Variants in FAT3 observed in about 807,000 individuals in gnomAD.
FAT3 encodes the protein FAT atypical cadherin 3, also known as protocadherin Fat 3.
FAT3 carries 95 observed loss-of-function variants against 310.2 expected under a neutral mutation model. The ratio of observed to expected loss-of-function variants is 0.31; its 90% CI spans 0.26 to 0.36. The LOEUF (loss-of-function observed/expected upper bound fraction) is 0.36, where lower values mean the gene tolerates loss of function less well. Among genes scored for constraint, FAT3 ranks in the 10% least tolerant of loss-of-function variants. The probability of loss-of-function intolerance (pLI) is 1.00; values close to 1 mark genes in which losing one functional copy is unlikely to be tolerated. For synonymous variants in FAT3, 2,314 were observed against 2,192.9 expected (o/e 1.06, Z -1.54); for missense variants, 5,408 against 5,715.6 (o/e 0.95, Z 1.74).
intron 2 of FAT3, among the ~76,000 whole-genome samples, chr11:92,457,309 G>T (rs1348252368): frequency 6.6e-6 from 1 of 152,116 alleles, no homozygotes; most frequent in Non-Finnish European, 1.5e-5. Context: ...AAATGAATAG[G>T]CAGAGATACA....
At chr11:92,562,265 A>G (rs1358140599) in intron 3 of FAT3, among the ~76,000 whole-genome samples, 1 of 152,200 alleles carries the variant, frequency 6.6e-6, no homozygotes, top group East Asian at 1.9e-4. Flanking sequence ...ATCATATACA[A>G]TACTTCCTAC....
chr11:92,781,457 A>G (rs973825041), intron 7 of FAT3, among the ~76,000 whole-genome samples: 3 of 152,168 alleles, frequency 2.0e-5, no homozygotes, highest in African/African-American at 7.2e-5. Context: ...AAATTGAGGC[A>G]CAGACTGCTT....
Position 92,800,992 on chromosome 11 carries a change from T to C in FAT3, c.7979T>C (p.Met2660Thr), listed in dbSNP as rs936260819. ...GAAATCGATCCTGACAATGGCTGGA[T>C]GGTCACAAAGGGTAATTTTAACCAG... is the stretch of plus-strand genomic sequence containing the variant. The part of the protein sequence containing the change: ...LLEIDPDNGW[M>T]VTKGNFNQLK... The change falls in exon 10 of 28, where the codon ATG becomes ACG. Residue 2660 changes from methionine to threonine, a missense_variant. By Grantham distance (81) the Met-to-Thr change is moderately conservative. This residue lies in a region of FAT3 where 4,588 missense variants were observed against 4,809.8 expected (regional missense o/e 0.95). Coordinates refer to ENST00000525166, the MANE Select transcript of FAT3 (RefSeq NM_001367949.2). 3.7e-6 allele frequency: 6 copies of C among 1,613,506 alleles called. No homozygotes were observed. Among genetic ancestry groups the C allele is most frequent in the Non-Finnish European group, 5.1e-6 (6 of 1,179,728 alleles).
At chr11:92,382,993 A>G (rs58793308) in intron 2 of FAT3, among the ~76,000 whole-genome samples, 11,737 of 152,162 alleles carry the variant, frequency 0.077, 655 homozygotes, top group African/African-American at 0.15. Flanking sequence ...CCCTACCCCC[A>G]GCCCCTGCCT....
intron 2 of FAT3, among the ~76,000 whole-genome samples, chr11:92,416,383 CA>C (rs60702258): frequency 0.076 from 8,234 of 107,782 alleles, 715 homozygotes; most frequent in African/African-American, 0.22. Context: ...GACTCCATCT[CA>C]AAAAAAAAAA....
At position 92,753,773 on chromosome 11, in the gene FAT3, GGT is replaced by G. The variant is rs145467493; in HGVS notation, c.3670-8058_3670-8057del. Among the ~76,000 whole-genome samples the G allele has an allele frequency of 2.9e-3, 367 of 127,996 alleles. 21 individuals are homozygous for G. Among genetic ancestry groups the G allele is most frequent in the Middle Eastern group, 0.015 (4 of 272 alleles). The allele number at this position is 127,996 out of a possible 152,430, so 84.0% of individuals were successfully genotyped here. A position where few individuals can be genotyped will look rare whatever the true frequency, so the allele number is the denominator to read the frequency against. The stretch of plus-strand genomic sequence containing the variant: ...AAGAAGTCTTGGATAAAGAAACTGT[GGT>G]GTGTGTGTGTGTGTGTGTGTGTGTA... On this transcript the variant is annotated intron_variant, in intron 4 of 27. Transcript: ENST00000525166.
At chr11:92,653,752 C>T (rs774835924) in intron 3 of FAT3, among the ~76,000 whole-genome samples, 2 of 152,178 alleles carry the variant, frequency 1.3e-5, no homozygotes, top group Non-Finnish European at 2.9e-5. Flanking sequence ...ATTGTCTCTT[C>T]TTGGCTGCTG....
intron 1 of FAT3, among the ~76,000 whole-genome samples, chr11:92,340,647 T>C (rs1331365293): frequency 6.6e-6 from 1 of 152,182 alleles, no homozygotes; most frequent in East Asian, 1.9e-4. Flanking sequence ...GTCACTTCAT[T>C]GGCCATACCT....
intron 1 of FAT3, among the ~76,000 whole-genome samples, chr11:92,340,664 C>A (rs1230347022): frequency 3.3e-5 from 5 of 152,174 alleles, no homozygotes. Context: ...ACCTTACCCA[C>A]CCCGAGTTCT....
At chr11:92,785,949 A>C (rs1228066853) in intron 7 of FAT3, among the ~76,000 whole-genome samples, 1 of 152,194 alleles carries the variant, frequency 6.6e-6, no homozygotes, top group Non-Finnish European at 1.5e-5. Context: ...CTATAATTAA[A>C]ACATGTTGGT....
At chr11:92,299,010 T>A (rs1201706422) in intron 1 of FAT3, among the ~76,000 whole-genome samples, 1 of 152,112 alleles carries the variant, frequency 6.6e-6, no homozygotes, top group Non-Finnish European at 1.5e-5. Context: ...TTTCATCTGT[T>A]GCAATGCCAG....
chr11:92,600,162 T>C (rs1372500035), intron 3 of FAT3, among the ~76,000 whole-genome samples: 1 of 152,210 alleles, frequency 6.6e-6, no homozygotes, highest in Non-Finnish European at 1.5e-5. Flanking sequence ...TCACTTACTG[T>C]AGTCAGAACC....
chr11:92,882,039 A>G (rs1012845160), intron 23 of FAT3, among the ~76,000 whole-genome samples: 1 of 152,178 alleles, frequency 6.6e-6, no homozygotes, highest in East Asian at 1.9e-4. Context: ...CTCTGGGGAA[A>G]ACCTATAACC....
At chr11:92,265,566 T>G (rs138891995) in intron 1 of FAT3, among the ~76,000 whole-genome samples, 1 of 152,114 alleles carries the variant, frequency 6.6e-6, no homozygotes. Context: ...AGGTTGGGTG[T>G]CTTAGATCAT....
intron 1 of FAT3, among the ~76,000 whole-genome samples, chr11:92,247,272 C>G (rs535712876): frequency 6.6e-6 from 1 of 151,758 alleles, no homozygotes; most frequent in Non-Finnish European, 1.5e-5. Flanking sequence ...CTTGCCTTAC[C>G]TGAACCTGTA....
At chr11:92,433,338 C>T (rs893537771) in intron 2 of FAT3, among the ~76,000 whole-genome samples, 2 of 152,152 alleles carry the variant, frequency 1.3e-5, no homozygotes, top group African/African-American at 4.8e-5. Context: ...CCAGCTTTGT[C>T]TTGAAACCCA....
chr11:92,432,132 A>G (rs1370376625), intron 2 of FAT3, among the ~76,000 whole-genome samples: 1 of 152,180 alleles, frequency 6.6e-6, no homozygotes, highest in Non-Finnish European at 1.5e-5. Context: ...ACCCATGAGC[A>G]TGGAATGTTC....
chr11:92,541,296 A>G (rs1954440408), intron 3 of FAT3, among the ~76,000 whole-genome samples: 2 of 152,168 alleles, frequency 1.3e-5, no homozygotes, highest in African/African-American at 4.8e-5. Flanking sequence ...AAATGAATAC[A>G]TGCTTTGAAT....
At chr11:92,514,278 CT>C (rs549318282) in intron 2 of FAT3, among the ~76,000 whole-genome samples, 270 of 152,214 alleles carry the variant, frequency 1.8e-3, no homozygotes, top group African/African-American at 6.1e-3. Flanking sequence ...AATTTTGGGT[CT>C]GCTCCTGCCT....
Sources: gnomAD v4.1 joint callset for allele counts (sites outside exome capture counted in the v4.1 genomes callset) on GRCh38, gnomAD v4.1.1 for gene constraint, gnomAD v4.1.1 regional missense constraint, MANE v1.5 for transcripts, NCBI Gene and HGNC (gene_info 2026-07-23, HGNC 2026-07-21) for gene names.